TBXT: variants seen among roughly 807,000 people sequenced by gnomAD.
The protein encoded by TBXT is T-box transcription factor T.
A neutral mutation model predicts 41.1 loss-of-function variants in TBXT; 19 were observed. The observed-to-expected ratio is 0.46, with a 90% CI of 0.32 to 0.68. TBXT has a LOEUF of 0.68. Ranked by LOEUF, TBXT falls within the 30% of genes least tolerant of loss-of-function variation. The pLI is 0.03. For missense variants in TBXT, 536 were observed against 582.0 expected (o/e 0.92, Z 0.81); for synonymous variants, 213 against 238.9 (o/e 0.89, Z 1.00).
intron 1 of TBXT, 122 bp from the exon 2 acceptor site, chr6:166,166,978 A>C: frequency 2.0e-6 from 3 of 1,531,400 alleles, no homozygotes; most frequent in Non-Finnish European, 2.7e-6. Flanking sequence ...GGAACGTCCG[A>C]GGGTGACTCC....
chr6:166,165,517 T>C (rs1025397441), intron 3 of TBXT, among the ~76,000 whole-genome samples, 189 bp downstream of exon 3: 2 of 152,246 alleles, frequency 1.3e-5, no homozygotes, highest in Non-Finnish European at 2.9e-5. Context: ...GGAAAATGTT[T>C]GAATGGGGAC....
At chr6:166,161,250 A>C (rs1434519182) in intron 6 of TBXT, among the ~76,000 whole-genome samples, 1 of 152,126 alleles carries the variant, frequency 6.6e-6, no homozygotes. Context: ...ACTTACAATC[A>C]CTGACTTGGA....
At chr6:166,166,522 C>T in intron 2 of TBXT, 70 bp downstream of exon 2, 2 of 1,609,064 alleles carry the variant, frequency 1.2e-6, no homozygotes, top group Non-Finnish European at 1.7e-6. Flanking sequence ...CTTCCCACAA[C>T]CCCCGTGCAG....
intron 6 of TBXT, among the ~76,000 whole-genome samples, chr6:166,161,848 G>T (rs920819020): frequency 1.3e-5 from 2 of 152,244 alleles, no homozygotes; most frequent in African/African-American, 2.4e-5. Context: ...GCGTGAACCC[G>T]AGAGGCGGAG....
intron 6 of TBXT, 45 bp downstream of exon 6, chr6:166,162,402 T>G: frequency 1.9e-6 from 3 of 1,611,362 alleles, no homozygotes; most frequent in Non-Finnish European, 2.5e-6. Flanking sequence ...AAAGTGGTCT[T>G]GCAGCCACCC....
chr6:166,167,237 A>G, intron 1 of TBXT, 149 bp downstream of exon 1: 2 of 918,670 alleles, frequency 2.2e-6, no homozygotes, highest in Non-Finnish European at 3.3e-6. Context: ...GCTTGTAGAA[A>G]TGCACTCGAG....
rs1458021716 is a variant in TBXT, at chr6:166,157,673, AT to A, written c.*641del. Reference sequence around the variant, plus strand: ...GAATCACATTTTGCATATTGCGTTTATTTTGCAGAAAATGCTTTCTGCTGAT... The same window carrying A: ...GAATCACATTTTGCATATTGCGTTTATTTGCAGAAAATGCTTTCTGCTGAT... On this transcript the variant is annotated 3_prime_UTR_variant, in exon 8 of 8. Coordinates refer to ENST00000366876, the MANE Select transcript of TBXT (RefSeq NM_001366285.2). 3 of 153,298 alleles carry A rather than the reference AT, an allele frequency of 2.0e-5. No individual in the cohort carries two copies. The highest frequency in any genetic ancestry group is 2.9e-5 in the Non-Finnish European group (2 of 68,562). 9.5% of individuals were successfully genotyped at this position (153,298 alleles called of 1,614,324 possible).
chr6:166,157,986 C>T lies in TBXT; in HGVS notation c.*329G>A, dbSNP rs1015651871. ...CTGGTGTGCCAAAGTTGCCAATACA[C>T]TGTATGAGAAATAAACCAAAAAAAG... On this transcript the variant is annotated 3_prime_UTR_variant, in exon 8 of 8. Coordinates refer to ENST00000366876, the MANE Select transcript of TBXT (RefSeq NM_001366285.2). The T allele has an allele frequency of 8.9e-6, 4 of 450,860 alleles. No individual in the cohort carries two copies. Among genetic ancestry groups the T allele is most frequent in the Admixed American group, 6.9e-5 (2 of 29,132 alleles). The allele number at this position is 450,860 out of a possible 1,614,324, so 27.9% of individuals were successfully genotyped here.
Position 166,162,433 on chromosome 6 carries a change from G to A in TBXT, c.907+14C>T. The A allele has an allele frequency of 6.2e-7, 1 of 1,614,134 alleles. No individual in the cohort carries two copies. Among genetic ancestry groups the A allele is most frequent in the Non-Finnish European group, 8.5e-7 (1 of 1,180,004 alleles). ...CACCCACCAACCCCTGGCAGAATGAGGCTGAGGACTCACTTGGAGAATTGT... is the reference window on the plus strand; with the variant it reads ...CACCCACCAACCCCTGGCAGAATGAAGCTGAGGACTCACTTGGAGAATTGT... On this transcript the variant is annotated intron_variant, in intron 6 of 7. Transcript: ENST00000366876.
intron 5 of TBXT, among the ~76,000 whole-genome samples, chr6:166,164,213 G>T (rs9459598): frequency 0.43 from 65,908 of 151,998 alleles, 15,053 homozygotes; most frequent in South Asian, 0.51. Context: ...GGAAAAATTT[G>T]GTTCCTAAGC....
chr6:166,163,909 A>T (rs1360900655), intron 5 of TBXT, among the ~76,000 whole-genome samples: 2 of 152,216 alleles, frequency 1.3e-5, no homozygotes, highest in African/African-American at 2.4e-5. Flanking sequence ...AAATGATGAA[A>T]AATCTACAGA....
rs1778833766 is a variant in TBXT, at chr6:166,158,041, C to T, written c.*274G>A. On this transcript the variant is annotated 3_prime_UTR_variant, in exon 8 of 8. Transcript: ENST00000366876. Reference sequence around the variant, plus strand: ...TGGACCCTGGCAAACATTTTTTCACCGTCAGTGAGGTTGGGCCAACTGCAT... The same window carrying T: ...TGGACCCTGGCAAACATTTTTTCACTGTCAGTGAGGTTGGGCCAACTGCAT... 1.7e-6 allele frequency: 1 copy of T among 575,740 alleles called. No individual in the cohort carries two copies. Among genetic ancestry groups the T allele is most frequent in the Non-Finnish European group, 3.1e-6 (1 of 325,232 alleles). The allele number at this position is 575,740 out of a possible 1,614,324, so 35.7% of individuals were successfully genotyped here.
Position 166,158,294 on chromosome 6 carries a change from C to G in TBXT, c.*21G>C. 1 of 1,614,206 alleles carries G rather than the reference C, an allele frequency of 6.2e-7. No individual in the cohort carries two copies. Among genetic ancestry groups the G allele is most frequent in the Non-Finnish European group, 8.5e-7 (1 of 1,180,036 alleles). On this transcript the variant is annotated 3_prime_UTR_variant, in exon 8 of 8. Transcript: ENST00000366876. ...CACGACAAAAAGTCACTGCATCTTT[C>G]GGGACCTGGGCCTTGCTGCTTCACA...
chr6:166,164,071 A>T (rs1462581140), intron 5 of TBXT, among the ~76,000 whole-genome samples: 1 of 152,190 alleles, frequency 6.6e-6, no homozygotes, highest in Non-Finnish European at 1.5e-5. Flanking sequence ...TTCTCCCAAC[A>T]AATGCTGCCG....
chr6:166,162,742 G>A, intron 5 of TBXT, 119 bp from the exon 6 acceptor site: 1 of 710,126 alleles, frequency 1.4e-6, no homozygotes, highest in Non-Finnish European at 2.5e-6. Flanking sequence ...CCAGGCCAGG[G>A]ACTCTCCCTC....
chr6:166,159,949 C>T (rs957605186), intron 7 of TBXT, among the ~76,000 whole-genome samples: 5 of 93,378 alleles, frequency 5.4e-5, no homozygotes, highest in South Asian at 3.5e-4. Context: ...TGTTTCTAAC[C>T]GCGGGCAATT....
chr6:166,157,970 C>G lies in TBXT; in HGVS notation c.*345G>C. 1 of 395,846 alleles carries G rather than the reference C, an allele frequency of 2.5e-6. No homozygotes were observed. Among genetic ancestry groups the G allele is most frequent in the Non-Finnish European group, 4.7e-6 (1 of 211,662 alleles). 24.5% of individuals were successfully genotyped at this position (395,846 alleles called of 1,614,324 possible). A position where few individuals can be genotyped will look rare whatever the true frequency, so the allele number is the denominator to read the frequency against. ...GTGGAGTTTACAAATTCTGGTGTGC[C>G]AAAGTTGCCAATACACTGTATGAGA... On this transcript the variant is annotated 3_prime_UTR_variant, in exon 8 of 8. Coordinates refer to ENST00000366876, the MANE Select transcript of TBXT (RefSeq NM_001366285.2).
chr6:166,166,490 G>A, intron 2 of TBXT, 102 bp downstream of exon 2: 8 of 1,571,100 alleles, frequency 5.1e-6, no homozygotes, highest in South Asian at 1.1e-5. Context: ...GGCAGACGTC[G>A]CCTCCCGTTC....
chr6:166,165,610 C>T lies in TBXT; in HGVS notation c.606+96G>A, dbSNP rs896775848. ...AGGGCAGGAAGCCTTCCTCTCAGTG[C>T]GGGTTAGCGCGTCTCCCCGCTCCTC... On this transcript the variant is annotated intron_variant, in intron 3 of 7. Transcript: ENST00000366876. 5.0e-6 allele frequency: 8 copies of T among 1,593,238 alleles called. No individual in the cohort carries two copies. The East Asian group carries it at 1.1e-4, about 22-fold the overall frequency.
Sources: allele counts gnomAD v4.1 joint callset (sites outside exome capture counted in the v4.1 genomes callset), GRCh38; gene constraint gnomAD v4.1.1; transcripts MANE v1.5; gene names NCBI Gene and HGNC (gene_info 2026-07-23, HGNC 2026-07-21).